The following USP3 variants were observed in gnomAD, a reference collection of about 807,000 sequenced individuals.
The protein encoded by USP3 is ubiquitin specific peptidase 3.
A neutral mutation model predicts 72.3 loss-of-function variants in USP3; 20 were observed. The observed-to-expected ratio is 0.28, with a 90% CI of 0.19 to 0.40. USP3 has a LOEUF of 0.40. Ranked by LOEUF, USP3 falls within the 10% of genes least tolerant of loss-of-function variation. USP3 has a pLI of 1.00. For synonymous variants in USP3, 222 were observed against 225.3 expected (o/e 0.99, Z 0.13); for missense variants, 479 against 633.9 (o/e 0.76, Z 2.62).
intron 3 of USP3, among the ~76,000 whole-genome samples, chr15:63,547,745 G>T (rs7498031): frequency 1.2e-4 from 1 of 8,546 alleles, no homozygotes; most frequent in African/African-American, 6.7e-4. Context: ...AGAGAGAGAG[G>T]GAGGGAGGGA....
chr15:63,572,514 C>T (rs1238040606), intron 9 of USP3, among the ~76,000 whole-genome samples: 1 of 151,928 alleles, frequency 6.6e-6, no homozygotes, highest in African/African-American at 2.4e-5. Context: ...GACAATATGT[C>T]TTACAAACAG....
Position 63,504,766 on chromosome 15 carries a change from C to A in USP3, c.27C>A (p.Ser9Arg). Residue 9 changes from serine (S) to arginine (R), a missense_variant, in exon 1 of 15, where the codon AGC (serine) becomes AGA (arginine). Ser to Arg is a moderately radical substitution (Grantham distance 110). Coordinates refer to ENST00000380324, the MANE Select transcript of USP3 (RefSeq NM_006537.4). ...TGGAGTGTCCACACCTGAGCTCCAG[C>A]GTCTGCATTGCTCCGGACTCAGCCA... is the stretch of plus-strand genomic sequence containing the variant. The part of the protein sequence containing the change: MECPHLSS[S>R]VCIAPDSAKF... 1 of 1,611,494 alleles carries A rather than the reference C, an allele frequency of 6.2e-7. No homozygotes were observed. Among genetic ancestry groups the A allele is most frequent in the East Asian group, 2.2e-5 (1 of 44,726 alleles).
At chr15:63,589,742 G>C (rs1357354897) in intron 14 of USP3, among the ~76,000 whole-genome samples, 4 of 151,598 alleles carry the variant, frequency 2.6e-5, no homozygotes, top group Non-Finnish European at 5.9e-5. Flanking sequence ...TATGCATAGT[G>C]AATTTCCTGG....
chr15:63,562,964 A>G lies in USP3; in HGVS notation c.717A>G (p.Pro239=). ...AAGGCAGCCAGACTGCATTTAGCCC[A>G]GAGTCCTTATTTTATGTTGTTTGGA... ...LWQGSQTAFS[P]ESLFYVVWKI... The change falls in exon 8 of 15, where the codon CCA becomes CCG. Residue 239 remains proline, a synonymous_variant. Transcript: ENST00000380324. 4 of 1,612,798 alleles carry G rather than the reference A, an allele frequency of 2.5e-6. No homozygotes were observed. Among genetic ancestry groups the G allele is most frequent in the Non-Finnish European group, 3.4e-6 (4 of 1,179,460 alleles).
At chr15:63,525,443 G>A (rs2065968567) in intron 1 of USP3, among the ~76,000 whole-genome samples, 1 of 152,232 alleles carries the variant, frequency 6.6e-6, no homozygotes, top group African/African-American at 2.4e-5. Context: ...AGAATGAGCA[G>A]CATTGTTGGG....
intron 8 of USP3, among the ~76,000 whole-genome samples, chr15:63,563,806 A>G (rs953221729): frequency 1.3e-5 from 2 of 152,224 alleles, no homozygotes; most frequent in Admixed American, 1.3e-4. Context: ...TTAGTCATCT[A>G]TCTTGCCCTA....
intron 1 of USP3, chr15:63,530,669 C>G (rs898176183): frequency 1.5e-5 from 6 of 398,392 alleles, no homozygotes; most frequent in Admixed American, 6.2e-5. Flanking sequence ...ACAAAATATT[C>G]ATAATATCTC....
chr15:63,552,257 A>G (rs1411632483), intron 3 of USP3, among the ~76,000 whole-genome samples: 1 of 152,234 alleles, frequency 6.6e-6, no homozygotes, highest in Admixed American at 6.5e-5. Context: ...GTAGCAATAC[A>G]ATTTCATTCT....
chr15:63,522,139 G>A (rs2152653812), intron 1 of USP3, among the ~76,000 whole-genome samples: 1 of 152,334 alleles, frequency 6.6e-6, no homozygotes, highest in Non-Finnish European at 1.5e-5. Flanking sequence ...GCCTCCCAAA[G>A]TGTTGGGATT....
chr15:63,527,002 C>T (rs976406488), intron 1 of USP3, among the ~76,000 whole-genome samples: 1 of 152,214 alleles, frequency 6.6e-6, no homozygotes, highest in Non-Finnish European at 1.5e-5. Context: ...TCACGGGATT[C>T]TCCCGCCTCA....
At chr15:63,583,586 A>C (rs2067001596) in intron 11 of USP3, among the ~76,000 whole-genome samples, 1 of 152,202 alleles carries the variant, frequency 6.6e-6, no homozygotes, top group African/African-American at 2.4e-5. Context: ...TACTACTTGT[A>C]AAAATTTTTG....
Position 63,588,894 on chromosome 15 carries a change from A to C in USP3, c.1330-50A>C. The C allele has an allele frequency of 5.6e-6, 9 of 1,612,916 alleles. No individual in the cohort carries two copies. The highest frequency in any genetic ancestry group is 7.6e-6 in the Non-Finnish European group (9 of 1,178,872). Reference sequence around the variant, plus strand: ...TCATCACATGGAGAGGGTAGAGGTCATCGAGATACTGATGTCATTGACCAC... The same window carrying C: ...TCATCACATGGAGAGGGTAGAGGTCCTCGAGATACTGATGTCATTGACCAC... On this transcript the variant is annotated intron_variant, in intron 13 of 14. Coordinates refer to ENST00000380324, the MANE Select transcript of USP3 (RefSeq NM_006537.4). This position sits in a 1 kb window ranked among gnomAD's most constrained non-coding sequence, Gnocchi z 4.6.
intron 7 of USP3, among the ~76,000 whole-genome samples, chr15:63,561,669 A>C (rs908614799): frequency 6.6e-6 from 1 of 152,256 alleles, no homozygotes; most frequent in Admixed American, 6.5e-5. Flanking sequence ...TCTGACTGCA[A>C]GGGAGCCTGA....
At chr15:63,575,503 T>C (rs144039593) in intron 11 of USP3, among the ~76,000 whole-genome samples, 1 of 152,168 alleles carries the variant, frequency 6.6e-6, no homozygotes, top group African/African-American at 2.4e-5. Context: ...TCTAGAAATC[T>C]GTCAGATGAT....
chr15:63,588,809 A>T lies in USP3; in HGVS notation c.1323A>T (p.Leu441Phe), dbSNP rs2067125925. The T allele has an allele frequency of 1.9e-6, 3 of 1,613,562 alleles. No individual in the cohort carries two copies. Among genetic ancestry groups the T allele is most frequent in the South Asian group, 2.2e-5 (2 of 91,042 alleles). Residue 441 changes from leucine (L) to phenylalanine (F), a missense_variant, in exon 13 of 15, where the codon TTA (leucine) becomes TTT (phenylalanine). Physicochemically the swap from Leu to Phe is conservative, Grantham distance 22 (BLOSUM62 0). Transcript: ENST00000380324. The surrounding 1 kb of genome is among the most constrained non-coding windows in gnomAD (Gnocchi z 4.6). Reference protein sequence around the residue: ...PLRGLDMKCYLLEPENSGPES... With the variant: ...PLRGLDMKCYFLEPENSGPES... ...GAGGCCTAGACATGAAATGCTACTT[A>T]CTAGAGGTAAGGTGGTTACCTTTTT...
In USP3 at chr15:63,570,293, C is replaced by A; in HGVS notation, c.762-140C>A. On this transcript the variant is annotated intron_variant, in intron 8 of 14. Transcript: ENST00000380324. The surrounding 1 kb of genome is among the most constrained non-coding windows in gnomAD (Gnocchi z 4.4). ...GAAATTCTGTCACCTGTGGAGCTTT[C>A]GGGCATGAAGGTGAGGAAGCCTGGC... The A allele has an allele frequency of 9.2e-7, 1 of 1,090,578 alleles. No individual in the cohort carries two copies. Among genetic ancestry groups the A allele is most frequent in the Non-Finnish European group, 1.3e-6 (1 of 773,012 alleles). 67.6% of individuals were successfully genotyped at this position (1,090,578 alleles called of 1,614,324 possible).
intron 1 of USP3, 112 bp from the exon 2 acceptor site, chr15:63,532,535 C>A: frequency 1.5e-6 from 2 of 1,292,204 alleles, no homozygotes; most frequent in Non-Finnish European, 2.2e-6. Context: ...GGATTTGCAA[C>A]TTCAGCATTC....
chr15:63,519,506 A>T (rs1014648221), intron 1 of USP3, among the ~76,000 whole-genome samples: 1 of 152,202 alleles, frequency 6.6e-6, no homozygotes, highest in Non-Finnish European at 1.5e-5. Flanking sequence ...CTTCTCAGGC[A>T]TCATATCAAG....
chr15:63,586,952 G>A (rs1324820175), intron 11 of USP3, among the ~76,000 whole-genome samples: 2 of 152,154 alleles, frequency 1.3e-5, no homozygotes, highest in Non-Finnish European at 2.9e-5. Context: ...AGACTGTCTA[G>A]TCCTCTGCCA....
Sources: allele counts gnomAD v4.1 joint callset (sites outside exome capture counted in the v4.1 genomes callset), GRCh38; gene constraint gnomAD v4.1.1; non-coding constraint Gnocchi (gnomAD v3.1); transcripts MANE v1.5; gene names NCBI Gene and HGNC (gene_info 2026-07-23, HGNC 2026-07-21).